MFSD6L: variants seen among roughly 807,000 people sequenced by gnomAD.
MFSD6L encodes the protein major facilitator superfamily domain-containing protein 6-like.
A neutral mutation model predicts 6.4 loss-of-function variants in MFSD6L; 9 were observed. That is an observed-to-expected ratio of 1.42 (90% CI 0.85 to 2.47). The LOEUF (loss-of-function observed/expected upper bound fraction) is 2.47. Among genes scored for constraint, MFSD6L ranks in the 30% most tolerant of loss-of-function variants. The pLI, the probability that MFSD6L is intolerant of heterozygous loss-of-function variation, is 0.00. For synonymous variants in MFSD6L, 336 were observed against 322.4 expected, an observed-to-expected ratio of 1.04 and a Z score of -0.45; for missense variants, 747 against 730.6, an observed-to-expected ratio of 1.02 and a Z score of -0.26.
At position 8,798,541 on chromosome 17, in the gene MFSD6L, G is replaced by A; in HGVS notation, c.580C>T (p.Leu194=). The change falls in exon 1 of 1, where the codon CTG becomes TTG. Residue 194 remains leucine (L), a synonymous_variant. Coordinates refer to ENST00000329805, the MANE Select transcript of MFSD6L (RefSeq NM_152599.4). ...QALLHPVTSG[L]KDHPWEVTFE... ...GTAACTTCCCAGGGATGATCTTTCA[G>A]CCCCGAAGTGACAGGATGGAGGAGA... 6.2e-7 allele frequency: 1 copy of A among 1,613,950 alleles called. No individual in the cohort carries two copies. The highest frequency in any genetic ancestry group is 1.1e-5 in the South Asian group (1 of 91,078).
rs758377682 is a variant in MFSD6L at position 8,799,084 on chromosome 17, G to A, written c.37C>T (p.Leu13=). The change falls in exon 1 of 1, where the codon CTG becomes TTG. Residue 13 remains leucine, a synonymous_variant. Coordinates refer to ENST00000329805, the MANE Select transcript of MFSD6L (RefSeq NM_152599.4). The surrounding 1 kb of genome is among the most constrained non-coding windows in gnomAD (Gnocchi z 5.3). The part of the protein sequence containing the change: ...ANPRWDISRA[L]GVAKLFHLVC... ...AGGTGGAAGAGCTTGGCCACCCCCAGCGCCCTGCTGATGTCCCACCGGGGG... is the reference window on the plus strand; with the variant it reads ...AGGTGGAAGAGCTTGGCCACCCCCAACGCCCTGCTGATGTCCCACCGGGGG... The A allele has an allele frequency of 6.3e-7, 1 of 1,586,830 alleles. No homozygotes were observed. Among genetic ancestry groups the A allele is most frequent in the Admixed American group, 1.8e-5 (1 of 56,610 alleles).
At position 8,797,535 on chromosome 17, in the gene MFSD6L, A is replaced by G. The variant is rs2087008469; in HGVS notation, c.1586T>C (p.Val529Ala). 1 of 1,614,036 alleles carries G rather than the reference A, an allele frequency of 6.2e-7. No individual in the cohort carries two copies. Among genetic ancestry groups the G allele is most frequent in the East Asian group, 2.2e-5 (1 of 44,880 alleles). Residue 529 changes from valine (V) to alanine (A), a missense_variant, in exon 1 of 1, where the codon GTG becomes GCG. Physicochemically the swap from Val to Ala is moderately conservative, Grantham distance 64. Transcript: ENST00000329805. Reference protein sequence around the residue: ...SLAVLYQACCVALLLWLALLL... With the variant: ...SLAVLYQACCAALLLWLALLL... ...CAAGGCCAACCAGAGCAACAGGGCC[A>G]CACAGCAGGCCTGGTAGAGCACAGC...
In MFSD6L at chr17:8,798,854, C is replaced by T. The variant is rs771867126; in HGVS notation, c.267G>A (p.Gly89=). The change falls in exon 1 of 1, where the codon GGG becomes GGA. Residue 89 remains glycine, a synonymous_variant. Coordinates refer to ENST00000329805, the MANE Select transcript of MFSD6L (RefSeq NM_152599.4). Reference sequence around the variant, plus strand: ...GGACCAGGACCATCAGCAGGCTGGCCCCCACCGAGCCGAGCAGGGAGCCGA... The same window carrying T: ...GGACCAGGACCATCAGCAGGCTGGCTCCCACCGAGCCGAGCAGGGAGCCGA... ...LLIGSLLGSV[G]ASLLMVLVPP... is the part of the protein sequence containing the mutation. 8.1e-6 allele frequency: 13 copies of T among 1,613,940 alleles called. No individual in the cohort carries two copies. In the South Asian group the frequency reaches 1.4e-4, roughly 18 times the overall value.
Position 8,797,286 on chromosome 17 carries a change from T to C in MFSD6L, c.*74A>G. On this transcript the variant is annotated 3_prime_UTR_variant, in exon 1 of 1. Coordinates refer to ENST00000329805, the MANE Select transcript of MFSD6L (RefSeq NM_152599.4). ...CCCAGCAGTCCAGGGCAGGTTTCTG[T>C]CCTCAGCAGGCTGAGTTTTGTTCAG... 1.4e-6 allele frequency: 2 copies of C among 1,434,130 alleles called. No homozygotes were observed. The highest frequency in any genetic ancestry group is 2.8e-5 in the South Asian group (2 of 70,586). The allele number at this position is 1,434,130 out of a possible 1,614,324, so 88.8% of individuals were successfully genotyped here. A position where few individuals can be genotyped will look rare whatever the true frequency, so the allele number is the denominator to read the frequency against.
rs2151155433 is a variant in MFSD6L, at chr17:8,798,357, A to G, written c.764T>C (p.Phe255Ser). 1 of 1,611,970 alleles carries G rather than the reference A, an allele frequency of 6.2e-7. No individual in the cohort carries two copies. Among genetic ancestry groups the G allele is most frequent in the Non-Finnish European group, 8.5e-7 (1 of 1,179,990 alleles). The stretch of plus-strand genomic sequence containing the variant: ...CAGAGGCGCTGTCAGCAGCTCCCAG[A>G]ACGCCACGGACCCCAAGGAGAGGAT... ...TFILSLGSVA[F>S]WELLTAPLEQ... is the part of the protein sequence containing the mutation. The change falls in exon 1 of 1, where the codon TTC becomes TCC. Residue 255 changes from phenylalanine to serine, a missense_variant. Transcript: ENST00000329805.
At position 8,798,336 on chromosome 17, in the gene MFSD6L, G is replaced by T; in HGVS notation, c.785C>A (p.Pro262His). 1 of 1,610,270 alleles carries T rather than the reference G, an allele frequency of 6.2e-7. No homozygotes were observed. Residue 262 changes from proline (P) to histidine (H), a missense_variant, in exon 1 of 1, where the codon CCT (proline) becomes CAT (histidine). By Grantham distance (77) the Pro-to-His change is moderately conservative. Transcript: ENST00000329805. ...SVAFWELLTAPLEQVADDSLY... is the reference protein window; with the variant it reads ...SVAFWELLTAHLEQVADDSLY... Reference sequence around the variant, plus strand: ...GCTGTCATCTGCCACCTGCTCCAGAGGCGCTGTCAGCAGCTCCCAGAACGC... The same window carrying T: ...GCTGTCATCTGCCACCTGCTCCAGATGCGCTGTCAGCAGCTCCCAGAACGC...
At position 8,797,823 on chromosome 17, in the gene MFSD6L, A is replaced by C. The variant is rs1258992656; in HGVS notation, c.1298T>G (p.Leu433Arg). The change falls in exon 1 of 1, where the codon CTG becomes CGG. Residue 433 changes from leucine (L) to arginine (R), a missense_variant. Leu to Arg is a moderately radical substitution (Grantham distance 102). Coordinates refer to ENST00000329805, the MANE Select transcript of MFSD6L (RefSeq NM_152599.4). ...TLLRKLSRTG[L>R]VGLGLSCLAG... Reference sequence around the variant, plus strand: ...GAGGCAGCTCAGCCCCAGCCCCACCAGGCCCGTCCTGGACAGTTTCCTAAG... The same window carrying C: ...GAGGCAGCTCAGCCCCAGCCCCACCCGGCCCGTCCTGGACAGTTTCCTAAG... 1 of 1,613,882 alleles carries C rather than the reference A, an allele frequency of 6.2e-7. No homozygotes were observed. The highest frequency in any genetic ancestry group is 8.5e-7 in the Non-Finnish European group (1 of 1,180,016).
chr17:8,798,797 A>C lies in MFSD6L; in HGVS notation c.324T>G (p.Pro108=), dbSNP rs765351512. The C allele has an allele frequency of 6.2e-7, 1 of 1,614,010 alleles. No homozygotes were observed. The highest frequency in any genetic ancestry group is 8.5e-7 in the Non-Finnish European group (1 of 1,180,018). The part of the protein sequence containing the change: ...PPVDKNRVHF[P]CNGSSGLTST... ...TGGTCAGGCCGCTGCTTCCATTACAAGGGAAGTGCACCCGATTTTTGTCTA... is the reference window on the plus strand; with the variant it reads ...TGGTCAGGCCGCTGCTTCCATTACACGGGAAGTGCACCCGATTTTTGTCTA... The change falls in exon 1 of 1, where the codon CCT becomes CCG. Residue 108 remains proline (P), a synonymous_variant. Transcript: ENST00000329805.
Position 8,797,810 on chromosome 17 carries a change from C to T in MFSD6L, c.1311G>A (p.Gly437=). The change falls in exon 1 of 1, where the codon GGG becomes GGA. Residue 437 remains glycine (G), a synonymous_variant. Coordinates refer to ENST00000329805, the MANE Select transcript of MFSD6L (RefSeq NM_152599.4). ...KLSRTGLVGL[G]LSCLAGQLLY... ...GCAGCTGCCCAGCGAGGCAGCTCAG[C>T]CCCAGCCCCACCAGGCCCGTCCTGG... The T allele has an allele frequency of 6.2e-7, 1 of 1,613,884 alleles. No individual in the cohort carries two copies. The highest frequency in any genetic ancestry group is 1.7e-5 in the Admixed American group (1 of 60,018).
rs546666719 is a variant in MFSD6L, at chr17:8,797,122, A to G, written c.*238T>C. 2.3e-6 allele frequency: 1 copy of G among 434,040 alleles called. No individual in the cohort carries two copies. Among genetic ancestry groups the G allele is most frequent in the Admixed American group, 3.9e-5 (1 of 25,446 alleles). The allele number at this position is 434,040 out of a possible 1,614,324, so 26.9% of individuals were successfully genotyped here. ...TGACTATAGAGGGAACTTTTTAAAA[A>G]GCAAATGTATTCTTCCTCCATTATC... On this transcript the variant is annotated 3_prime_UTR_variant, in exon 1 of 1. Transcript: ENST00000329805.
Position 8,798,615 on chromosome 17 carries a change from T to G in MFSD6L, c.506A>C (p.His169Pro). ...ESDRETFRDL[H>P]VYLAPSVEGA... is the part of the protein sequence containing the mutation. Reference sequence around the variant, plus strand: ...TTCAACGGAGGGCGCTAAGTAGACGTGCAGATCACGGAAAGTTTCTCGGTC... The same window carrying G: ...TTCAACGGAGGGCGCTAAGTAGACGGGCAGATCACGGAAAGTTTCTCGGTC... The change falls in exon 1 of 1, where the codon CAC (histidine) becomes CCC (proline). Residue 169 changes from histidine (H) to proline (P), a missense_variant. Transcript: ENST00000329805. 1 of 1,614,114 alleles carries G rather than the reference T, an allele frequency of 6.2e-7. No homozygotes were observed. Among genetic ancestry groups the G allele is most frequent in the Admixed American group, 1.7e-5 (1 of 60,022 alleles).
chr17:8,797,430 G>A lies in MFSD6L; in HGVS notation c.1691C>T (p.Thr564Ile), dbSNP rs1177826479. Residue 564 changes from threonine to isoleucine, a missense_variant, in exon 1 of 1, where the codon ACC (threonine) becomes ATC (isoleucine). Physicochemically the swap from Thr to Ile is moderately conservative, Grantham distance 89 (BLOSUM62 -1). Transcript: ENST00000329805. Reference sequence around the variant, plus strand: ...TTCTGTCCCCTGCTCAGAGTCACTGGTGTCACTCACCTCCATGGACAGCAG... The same window carrying A: ...TTCTGTCCCCTGCTCAGAGTCACTGATGTCACTCACCTCCATGGACAGCAG... The part of the protein sequence containing the change: ...SKLLSMEVSD[T>I]SDSEQGTEQD... 6.2e-7 allele frequency: 1 copy of A among 1,612,322 alleles called. No individual in the cohort carries two copies. Among genetic ancestry groups the A allele is most frequent in the African/African-American group, 1.3e-5 (1 of 74,960 alleles).
Position 8,797,852 on chromosome 17 carries a change from T to A in MFSD6L, c.1269A>T (p.Thr423=). 6.2e-7 allele frequency: 1 copy of A among 1,613,716 alleles called. No homozygotes were observed. Among genetic ancestry groups the A allele is most frequent in the Non-Finnish European group, 8.5e-7 (1 of 1,179,930 alleles). ...CCGTCCTGGACAGTTTCCTAAGCAA[T>A]GTAGCTTTGAACGGATGAAGCAGAA... is the stretch of plus-strand genomic sequence containing the variant. ...GEILLHPFKA[T]LLRKLSRTGL... is the part of the protein sequence containing the mutation. Residue 423 remains threonine (T), a synonymous_variant, in exon 1 of 1, where the codon ACA becomes ACT. Coordinates refer to ENST00000329805, the MANE Select transcript of MFSD6L (RefSeq NM_152599.4).
In MFSD6L at chr17:8,797,873, C is replaced by G. The variant is rs766940834; in HGVS notation, c.1248G>C (p.Leu416=). Residue 416 remains leucine, a synonymous_variant, in exon 1 of 1, where the codon CTG becomes CTC. Transcript: ENST00000329805. ...GCAATGTAGCTTTGAACGGATGAAG[C>G]AGAATTTCCCCCAGCAAGCTGAGGG... ...SVALSLLGEI[L]LHPFKATLLR... is the part of the protein sequence containing the mutation. 5 of 1,613,922 alleles carry G rather than the reference C, an allele frequency of 3.1e-6. No homozygotes were observed. In the Admixed American group the frequency reaches 6.7e-5, roughly 22 times the overall value.
chr17:8,799,285 C>T lies in MFSD6L; in HGVS notation c.-165G>A, dbSNP rs2087026218. ...GCCGCGGTCACCAGGTCAACGGCCG[C>T]CCCCGGCCACAGCCCCCAGGTCCTG... is the stretch of plus-strand genomic sequence containing the variant. On this transcript the variant is annotated 5_prime_UTR_variant, in exon 1 of 1. Coordinates refer to ENST00000329805, the MANE Select transcript of MFSD6L (RefSeq NM_152599.4). This position sits in a 1 kb window ranked among gnomAD's most constrained non-coding sequence, Gnocchi z 5.3. 2.0e-6 allele frequency: 1 copy of T among 510,888 alleles called. No homozygotes were observed. The highest frequency in any genetic ancestry group is 4.4e-5 in the Admixed American group (1 of 22,808). The allele number at this position is 510,888 out of a possible 1,614,324, so 31.6% of individuals were successfully genotyped here. A position where few individuals can be genotyped will look rare whatever the true frequency, so the allele number is the denominator to read the frequency against.
In MFSD6L at chr17:8,797,128, T is replaced by C. The variant is rs1161044804; in HGVS notation, c.*232A>G. The C allele has an allele frequency of 4.5e-6, 2 of 440,774 alleles. No homozygotes were observed. The highest frequency in any genetic ancestry group is 4.0e-5 in the African/African-American group (2 of 49,890). The allele number at this position is 440,774 out of a possible 1,614,324, so 27.3% of individuals were successfully genotyped here. A position where few individuals can be genotyped will look rare whatever the true frequency, so the allele number is the denominator to read the frequency against. On this transcript the variant is annotated 3_prime_UTR_variant, in exon 1 of 1. Transcript: ENST00000329805. Reference sequence around the variant, plus strand: ...TAGAGGGAACTTTTTAAAAAGCAAATGTATTCTTCCTCCATTATCTAAAAA... The same window carrying C: ...TAGAGGGAACTTTTTAAAAAGCAAACGTATTCTTCCTCCATTATCTAAAAA...
chr17:8,798,862 A>C lies in MFSD6L; in HGVS notation c.259T>G (p.Ser87Ala), dbSNP rs1156830491. The change falls in exon 1 of 1, where the codon TCG becomes GCG. Residue 87 changes from serine to alanine, a missense_variant. Coordinates refer to ENST00000329805, the MANE Select transcript of MFSD6L (RefSeq NM_152599.4). ...ACCATCAGCAGGCTGGCCCCCACCG[A>C]GCCGAGCAGGGAGCCGATCAGAAGC... Reference protein sequence around the residue: ...RALLIGSLLGSVGASLLMVLV... With the variant: ...RALLIGSLLGAVGASLLMVLV... 1.1e-5 allele frequency: 17 copies of C among 1,613,886 alleles called. No homozygotes were observed. Among genetic ancestry groups the C allele is most frequent in the Non-Finnish European group, 1.4e-5 (16 of 1,180,022 alleles).
upstream of MFSD6L, chr17:8,799,365 T>TA (rs1270318844): frequency 5.6e-6 from 2 of 354,124 alleles, no homozygotes; most frequent in Non-Finnish European, 1.0e-5. This position sits in a 1 kb window ranked among gnomAD's most constrained non-coding sequence, Gnocchi z 5.3. Flanking sequence ...GGGGCGAAGG[T>TA]GGGGGCGGGG....
At position 8,798,359 on chromosome 17, in the gene MFSD6L, C is replaced by T. The variant is rs377200040; in HGVS notation, c.762G>A (p.Ala254=). The change falls in exon 1 of 1, where the codon GCG becomes GCA. Residue 254 remains alanine, a synonymous_variant. Transcript: ENST00000329805. ...RTFILSLGSV[A]FWELLTAPLE... ...GAGGCGCTGTCAGCAGCTCCCAGAA[C>T]GCCACGGACCCCAAGGAGAGGATAA... 1.2e-5 allele frequency: 19 copies of T among 1,611,928 alleles called. No homozygotes were observed. Among genetic ancestry groups the T allele is most frequent in the African/African-American group, 9.3e-5 (7 of 75,046 alleles).
Sources: gnomAD v4.1 joint callset for allele counts on GRCh38, gnomAD v4.1.1 for gene constraint, Gnocchi (gnomAD v3.1) non-coding constraint, MANE v1.5 for transcripts, NCBI Gene and HGNC (gene_info 2026-07-23, HGNC 2026-07-21) for gene names.